PLA2G4C: variants seen among roughly 807,000 people sequenced by gnomAD.
The protein encoded by PLA2G4C is cytosolic phospholipase A2 gamma.
PLA2G4C carries 64 observed loss-of-function variants against 73.8 expected under a neutral mutation model. The ratio of observed to expected loss-of-function variants is 0.87; its 90% confidence interval spans 0.71 to 1.07. PLA2G4C has a LOEUF of 1.07. Among genes scored for constraint, PLA2G4C ranks in the 50% least tolerant of loss-of-function variants. PLA2G4C has a pLI of 0.00. For synonymous variants in PLA2G4C, 254 were observed against 252.1 expected (o/e 1.01, Z -0.07); for missense variants, 622 against 665.4 (o/e 0.93, Z 0.72).
At chr19:48,069,902 C>T (rs1968591904) in intron 12 of PLA2G4C, among the ~76,000 whole-genome samples, 1 of 152,078 alleles carries the variant, frequency 6.6e-6, no homozygotes, top group Non-Finnish European at 1.5e-5. Flanking sequence ...ATAGCTAGGA[C>T]CACAGGCACC....
In PLA2G4C at chr19:48,093,231, C is replaced by T. The variant is rs79850575; in HGVS notation, c.709+2233G>A. ...TCCCCTGAGAACACCCCTCCATCTA[C>T]CAGGTTGCAGAAGCTGGAACCTTTG... is the stretch of plus-strand genomic sequence containing the variant. On this transcript the variant is annotated intron_variant, in intron 7 of 16. Transcript: ENST00000599921. 5.1e-3 allele frequency among the ~76,000 whole-genome samples: 781 copies of T among 152,280 alleles called. 6 individuals are homozygous for T. Among genetic ancestry groups the T allele is most frequent in the African/African-American group, 0.017 (710 of 41,566 alleles).
At chr19:48,061,738 G>A in intron 14 of PLA2G4C, 3 of 453,914 alleles carry the variant, frequency 6.6e-6, no homozygotes, top group South Asian at 6.4e-5. Context: ...GGGCAGGCAG[G>A]ACGCAGAAGC....
intron 15 of PLA2G4C, among the ~76,000 whole-genome samples, chr19:48,053,906 C>A (rs1047533010): frequency 1.3e-5 from 2 of 152,130 alleles, no homozygotes; most frequent in African/African-American, 4.8e-5. Context: ...GCCTTCCAAG[C>A]AGCTGCTCAC....
At chr19:48,083,931 G>A (rs1023806918) in intron 10 of PLA2G4C, among the ~76,000 whole-genome samples, 7 of 151,982 alleles carry the variant, frequency 4.6e-5, no homozygotes, top group Admixed American at 6.6e-5. Context: ...GGTGAGTCAC[G>A]CATCCTTTCC....
At chr19:48,065,886 G>A (rs1326177317) in intron 13 of PLA2G4C, among the ~76,000 whole-genome samples, 2 of 151,998 alleles carry the variant, frequency 1.3e-5, no homozygotes, top group African/African-American at 4.8e-5. Context: ...ACGAGGTCAG[G>A]AGTTTGAGAC....
chr19:48,056,504 C>T (rs1036348306), intron 14 of PLA2G4C, among the ~76,000 whole-genome samples: 7 of 151,476 alleles, frequency 4.6e-5, no homozygotes, highest in African/African-American at 1.5e-4. Context: ...GCCCAGATAG[C>T]GCCATTGCAC....
At chr19:48,105,611 G>T in intron 2 of PLA2G4C, 167 bp from the exon 3 acceptor site, 1 of 589,144 alleles carries the variant, frequency 1.7e-6, no homozygotes. Flanking sequence ...AGAGGTGATG[G>T]TTGTACAACA....
chr19:48,095,382 C>A (rs1342814267), intron 7 of PLA2G4C, 82 bp downstream of exon 7: 10 of 1,347,102 alleles, frequency 7.4e-6, no homozygotes, highest in Non-Finnish European at 1.0e-5. Flanking sequence ...AAGAGCTGGG[C>A]AAACTAGACC....
At chr19:48,106,828 CCTCTGT>C (rs905028330) in intron 1 of PLA2G4C, among the ~76,000 whole-genome samples, 8 of 152,178 alleles carry the variant, frequency 5.3e-5, no homozygotes, top group African/African-American at 9.6e-5. Context: ...TCTTTCTCTG[CCTCTGT>C]CTCTGTCTCT....
intron 9 of PLA2G4C, among the ~76,000 whole-genome samples, chr19:48,087,546 G>A (rs1196933284): frequency 2.6e-5 from 4 of 152,124 alleles, no homozygotes; most frequent in East Asian, 3.9e-4. Context: ...CTGAATAGCT[G>A]GAGCACTGGA....
intron 16 of PLA2G4C, among the ~76,000 whole-genome samples, 161 bp from the exon 17 acceptor site, chr19:48,048,549 A>T (rs1967606626): frequency 1.3e-5 from 2 of 152,048 alleles, no homozygotes. Flanking sequence ...GAGCTCCACC[A>T]CCTCCTCCTG....
intron 1 of PLA2G4C, among the ~76,000 whole-genome samples, chr19:48,109,147 C>G (rs111767885): frequency 6.6e-6 from 1 of 152,154 alleles, no homozygotes; most frequent in Admixed American, 6.5e-5. Context: ...TACATTTCTG[C>G]GAAGGCAGTT....
chr19:48,107,490 G>C (rs1026358571), intron 1 of PLA2G4C, among the ~76,000 whole-genome samples: 5 of 152,158 alleles, frequency 3.3e-5, no homozygotes, highest in Non-Finnish European at 7.3e-5. Context: ...TGTCATGCCC[G>C]AATAGGGCCA....
rs567339017 is a variant in PLA2G4C at position 48,052,862 on chromosome 19, C to A, written c.1580+135G>T. 4.1e-5 allele frequency: 36 copies of A among 883,490 alleles called. No homozygotes were observed. In the African/African-American group the frequency reaches 5.7e-4, roughly 14 times the overall value. The allele number at this position is 883,490 out of a possible 1,614,324, so 54.7% of individuals were successfully genotyped here. On this transcript the variant is annotated intron_variant, in intron 16 of 16. Transcript: ENST00000599921. Reference sequence around the variant, plus strand: ...GTTCATGGTCTGTCCCCTGCTGAGACGCAAGCTCAAGTAGGGGAGACACTG... The same window carrying A: ...GTTCATGGTCTGTCCCCTGCTGAGAAGCAAGCTCAAGTAGGGGAGACACTG...
Position 48,099,799 on chromosome 19 carries a change from G to A in PLA2G4C, c.319C>T (p.His107Tyr). 6.2e-7 allele frequency: 1 copy of A among 1,613,962 alleles called. No individual in the cohort carries two copies. The highest frequency in any genetic ancestry group is 8.5e-7 in the Non-Finnish European group (1 of 1,179,854). ...DMEALEADLK[H>Y]RFTRQEWDLA... ...TCCCACTCCTGTCGGGTAAATCGAT[G>A]TTTCAGGTCAGCCTCGAGAGCTTCC... The change falls in exon 5 of 17, where the codon CAT (histidine) becomes TAT (tyrosine). Residue 107 changes from histidine to tyrosine, a missense_variant. Coordinates refer to ENST00000599921, the MANE Select transcript of PLA2G4C (RefSeq NM_003706.3).
intron 13 of PLA2G4C, among the ~76,000 whole-genome samples, chr19:48,067,237 G>A (rs568730203): frequency 1.3e-5 from 2 of 151,648 alleles, no homozygotes; most frequent in South Asian, 2.1e-4. Context: ...GGATGATCGC[G>A]GCTCACTGCA....
intron 4 of PLA2G4C, among the ~76,000 whole-genome samples, chr19:48,102,253 A>G (rs378294): frequency 0.19 from 28,263 of 151,838 alleles, 5,451 homozygotes; most frequent in African/African-American, 0.49. Context: ...CACTTTGGGA[A>G]GCCAGGGCAG....
chr19:48,110,490 A>G lies in PLA2G4C; in HGVS notation c.-36T>C, dbSNP rs1423528242. ...CCTCCCTGCCCCCACGGCTTGCCTGAGCCTGGGTCTGGGGCGTGTGCGCAT... is the reference window on the plus strand; with the variant it reads ...CCTCCCTGCCCCCACGGCTTGCCTGGGCCTGGGTCTGGGGCGTGTGCGCAT... On this transcript the variant is annotated 5_prime_UTR_variant, in exon 1 of 17. Coordinates refer to ENST00000599921, the MANE Select transcript of PLA2G4C (RefSeq NM_003706.3). The G allele has an allele frequency of 1.8e-5, 23 of 1,314,078 alleles. No homozygotes were observed. Among genetic ancestry groups the G allele is most frequent in the Non-Finnish European group, 2.2e-5 (23 of 1,038,938 alleles). 81.4% of individuals were successfully genotyped at this position (1,314,078 alleles called of 1,614,324 possible). A position where few individuals can be genotyped will look rare whatever the true frequency, so the allele number is the denominator to read the frequency against.
chr19:48,062,052 C>T lies in PLA2G4C; in HGVS notation c.1203G>A (p.Thr401=), dbSNP rs761271989. Residue 401 remains threonine (T), a synonymous_variant, in exon 14 of 17, where the codon ACG becomes ACA. Transcript: ENST00000599921. ...AGGAGAGGATGAGGTGAACCTCCCGCGTCGGGGGCAGCACGAGTGGGAAGG... is the reference window on the plus strand; with the variant it reads ...AGGAGAGGATGAGGTGAACCTCCCGTGTCGGGGGCAGCACGAGTGGGAAGG... ...NTPFPLVLPP[T]REVHLILSFD... The T allele has an allele frequency of 8.7e-6, 14 of 1,613,724 alleles. No individual in the cohort carries two copies. The highest frequency in any genetic ancestry group is 2.7e-5 in the African/African-American group (2 of 74,842).
Sources: allele counts gnomAD v4.1 joint callset (sites outside exome capture counted in the v4.1 genomes callset), GRCh38; gene constraint gnomAD v4.1.1; transcripts MANE v1.5; gene names NCBI Gene and HGNC (gene_info 2026-07-23, HGNC 2026-07-21).